Variants in NUP107 observed in about 807,000 individuals in gnomAD.
The protein encoded by NUP107 is nucleoporin 107.
In NUP107, 101 loss-of-function variants were observed where a neutral mutation model predicts 141.0. The ratio of observed to expected loss-of-function variants is 0.72; its 90% confidence interval spans 0.61 to 0.84. The LOEUF is 0.84. Ranked by LOEUF, NUP107 falls within the 40% of genes least tolerant of loss-of-function variation. The pLI, the probability that NUP107 is intolerant of heterozygous loss-of-function variation, is 0.00. For missense variants in NUP107, 941 were observed against 1,102.7 expected, an observed-to-expected ratio of 0.85 and a Z score of 2.08; for synonymous variants, 319 against 363.9, an observed-to-expected ratio of 0.88 and a Z score of 1.41.
At chr12:68,692,479 T>A (rs1468002230) in intron 5 of NUP107, among the ~76,000 whole-genome samples, 1 of 151,550 alleles carries the variant, frequency 6.6e-6, no homozygotes, top group Non-Finnish European at 1.5e-5. Context: ...CTTGAGAGGC[T>A]GAGGCAGGAG....
chr12:68,725,872 T>C, intron 18 of NUP107, 76 bp downstream of exon 18: 1 of 723,892 alleles, frequency 1.4e-6, no homozygotes, highest in Non-Finnish European at 2.2e-6. Context: ...AGTCTCACCC[T>C]GTTGCCCAGA....
At chr12:68,709,672 C>T (rs529687318) in intron 9 of NUP107, among the ~76,000 whole-genome samples, 10 of 151,688 alleles carry the variant, frequency 6.6e-5, no homozygotes, top group African/African-American at 1.5e-4. Context: ...AGGCAGATCT[C>T]GAGGTCAGGA....
intron 22 of NUP107, among the ~76,000 whole-genome samples, chr12:68,732,005 CAT>C (rs1161643126): frequency 6.6e-6 from 1 of 152,098 alleles, no homozygotes; most frequent in African/African-American, 2.4e-5. Flanking sequence ...CTTGCTTACT[CAT>C]ATTTTCAGAA....
In NUP107 at chr12:68,712,049, T is replaced by G. The variant is rs1301279213; in HGVS notation, c.891-1681T>G. Among the ~76,000 whole-genome samples the G allele has an allele frequency of 2.0e-5, 3 of 152,186 alleles. No homozygotes were observed. In the South Asian group the frequency reaches 6.2e-4, roughly 31 times the overall value. ...TCTTGCTTTTGCTTACACTCTTCAG[T>G]ACTTCTAAATTATTATAGGCCCTTG... On this transcript the variant is annotated intron_variant, in intron 10 of 27. Coordinates refer to ENST00000229179, the MANE Select transcript of NUP107 (RefSeq NM_020401.4).
rs140055536 is a variant in NUP107 at position 68,742,563 on chromosome 12, T to C, written c.*101T>C. 31 of 573,192 alleles carry C rather than the reference T, an allele frequency of 5.4e-5. No homozygotes were observed. Among genetic ancestry groups the C allele is most frequent in the Middle Eastern group, 4.8e-4 (1 of 2,104 alleles). 35.5% of individuals were successfully genotyped at this position (573,192 alleles called of 1,614,324 possible). A position where few individuals can be genotyped will look rare whatever the true frequency, so the allele number is the denominator to read the frequency against. The stretch of plus-strand genomic sequence containing the variant: ...TTCTTTTGCATTACCATGTAAAATT[T>C]AGACATTTGAATTTTGTACTTTTCA... On this transcript the variant is annotated 3_prime_UTR_variant, in exon 28 of 28. Transcript: ENST00000229179.
At chr12:68,694,264 T>C (rs1037405560) in intron 5 of NUP107, among the ~76,000 whole-genome samples, 2 of 152,246 alleles carry the variant, frequency 1.3e-5, no homozygotes, top group African/African-American at 2.4e-5. Context: ...GTATGTATTA[T>C]AACTTTCTCC....
intron 6 of NUP107, among the ~76,000 whole-genome samples, chr12:68,697,459 T>G (rs1400515118): frequency 9.0e-6 from 1 of 110,948 alleles, no homozygotes. Flanking sequence ...TATTTAGAAC[T>G]CAACAATAAG....
At chr12:68,706,964 G>T (rs1876613200) in intron 8 of NUP107, 1 of 653,098 alleles carries the variant, frequency 1.5e-6, no homozygotes, top group Non-Finnish European at 2.7e-6. Context: ...CTCTGGTGCG[G>T]GCTCCAGTTC....
intron 11 of NUP107, 62 bp downstream of exon 11, chr12:68,713,870 GA>G: frequency 7.5e-7 from 1 of 1,329,916 alleles, no homozygotes; most frequent in Non-Finnish European, 1.1e-6. Flanking sequence ...TTCAGGCTGA[GA>G]ATTTTTTCTC....
At chr12:68,697,310 G>C (rs1031057860) in intron 6 of NUP107, among the ~76,000 whole-genome samples, 5 of 152,006 alleles carry the variant, frequency 3.3e-5, no homozygotes, top group African/African-American at 9.7e-5. Context: ...TGTGATTCTA[G>C]CTCCTTGGGA....
chr12:68,690,385 T>C, intron 3 of NUP107: 1 of 537,704 alleles, frequency 1.9e-6, no homozygotes, highest in East Asian at 3.3e-5. Context: ...AGTTATTCTA[T>C]AATGAAAGCA....
chr12:68,721,028 A>G (rs1877326737), intron 14 of NUP107, 90 bp from the exon 15 acceptor site: 1 of 801,126 alleles, frequency 1.2e-6, no homozygotes, highest in African/African-American at 1.7e-5. Flanking sequence ...GGTTCAGTCT[A>G]GAAGAGTTTG....
At chr12:68,731,050 A>G in intron 20 of NUP107, 60 bp from the exon 21 acceptor site, 1 of 1,185,380 alleles carries the variant, frequency 8.4e-7, no homozygotes, top group Non-Finnish European at 1.2e-6. Flanking sequence ...TACATTTGAA[A>G]TTTTGAAGTA....
chr12:68,744,527 G>C lies in NUP107; in HGVS notation c.*2065G>C, dbSNP rs1878445561. 6.6e-6 allele frequency: 1 copy of C among 152,288 alleles called. No individual in the cohort carries two copies. The highest frequency in any genetic ancestry group is 1.5e-5 in the Non-Finnish European group (1 of 68,126). 9.4% of individuals were successfully genotyped at this position (152,288 alleles called of 1,614,324 possible). On this transcript the variant is annotated 3_prime_UTR_variant, in exon 28 of 28. Transcript: ENST00000229179. Reference sequence around the variant, plus strand: ...GCCTCCCTAGTAGCTGGGATTACAGGCGCCTGCCACCACGCCTGGCTAATT... The same window carrying C: ...GCCTCCCTAGTAGCTGGGATTACAGCCGCCTGCCACCACGCCTGGCTAATT...
At chr12:68,711,559 T>C (rs1429215266) in intron 10 of NUP107, among the ~76,000 whole-genome samples, 1 of 150,106 alleles carries the variant, frequency 6.7e-6, no homozygotes, top group African/African-American at 2.4e-5. Context: ...AGGATTAGAA[T>C]TAATGGATAG....
intron 5 of NUP107, 96 bp from the exon 6 acceptor site, chr12:68,696,723 A>G: frequency 1.4e-6 from 1 of 698,152 alleles, no homozygotes; most frequent in Admixed American, 2.8e-5. Context: ...CAAAAAATAA[A>G]TAAACAAATA....
intron 26 of NUP107, among the ~76,000 whole-genome samples, chr12:68,739,038 G>C (rs577985615): frequency 1.3e-5 from 2 of 151,700 alleles, no homozygotes; most frequent in Non-Finnish European, 2.9e-5. Context: ...GGCATTCTGG[G>C]CCTCTTCATT....
At chr12:68,740,563 C>T (rs1878281670) in intron 26 of NUP107, among the ~76,000 whole-genome samples, 1 of 152,108 alleles carries the variant, frequency 6.6e-6, no homozygotes, top group Non-Finnish European at 1.5e-5. Flanking sequence ...TTGATTAACC[C>T]CTCCACTTAC....
At position 68,702,725 on chromosome 12, in the gene NUP107, T is replaced by C. The variant is rs1178340699; in HGVS notation, c.681-11T>C. On this transcript the variant is annotated splice_polypyrimidine_tract_variant and intron_variant, in intron 7 of 27. Coordinates refer to ENST00000229179, the MANE Select transcript of NUP107 (RefSeq NM_020401.4). ...AATAAGGCTTTTTTATTTTGTCTTA[T>C]TTTTCCCCAGAGACAGAATACAGTC... is the stretch of plus-strand genomic sequence containing the variant. 2 of 1,525,696 alleles carry C rather than the reference T, an allele frequency of 1.3e-6. No homozygotes were observed. Among genetic ancestry groups the C allele is most frequent in the East Asian group, 4.8e-5 (2 of 41,750 alleles). 94.5% of individuals were successfully genotyped at this position (1,525,696 alleles called of 1,614,324 possible).
Sources: gnomAD v4.1 joint callset for allele counts (sites outside exome capture counted in the v4.1 genomes callset) on GRCh38, gnomAD v4.1.1 for gene constraint, MANE v1.5 for transcripts, NCBI Gene and HGNC (gene_info 2026-07-23, HGNC 2026-07-21) for gene names.